RBFOX1: variants seen among roughly 807,000 people sequenced by gnomAD.
RBFOX1 encodes RNA binding protein fox-1 homolog 1.
Under a neutral mutation model 57.7 loss-of-function variants are expected in RBFOX1, and 8 were observed. The ratio of observed to expected loss-of-function variants is 0.14; its 90% CI spans 0.08 to 0.25. The LOEUF (loss-of-function observed/expected upper bound fraction) is 0.25. Among genes scored for constraint, RBFOX1 ranks in the 10% least tolerant of loss-of-function variants. The probability of loss-of-function intolerance (pLI) is 1.00; values close to 1 mark genes in which losing one functional copy is unlikely to be tolerated. For missense variants in RBFOX1, 611 were observed against 548.5 expected (o/e 1.11, Z -1.14); for synonymous variants, 326 against 222.4 (o/e 1.47, Z -4.15).
intron 5 of RBFOX1, among the ~76,000 whole-genome samples, chr16:7,537,915 A>G (rs1213502763): frequency 6.6e-6 from 1 of 152,254 alleles, no homozygotes; most frequent in Non-Finnish European, 1.5e-5. Context: ...AATGGAAATG[A>G]GAGAATCTGC....
At chr16:5,556,112 C>T (rs1399073733) in intron 2 of RBFOX1, among the ~76,000 whole-genome samples, 1 of 152,218 alleles carries the variant, frequency 6.6e-6, no homozygotes, top group Non-Finnish European at 1.5e-5. Context: ...ATGCCTAAGC[C>T]AGCGTGTTAG....
chr16:7,700,416 T>C (rs2080286477), intron 14 of RBFOX1, among the ~76,000 whole-genome samples: 1 of 152,120 alleles, frequency 6.6e-6, no homozygotes, highest in African/African-American at 2.4e-5. Context: ...GAAGTAACAG[T>C]CAGTGTTTGA....
chr16:6,623,077 T>A (rs1033432901), intron 2 of RBFOX1, among the ~76,000 whole-genome samples: 2 of 152,244 alleles, frequency 1.3e-5, no homozygotes, highest in African/African-American at 4.8e-5. Flanking sequence ...TATTGCAAAT[T>A]ACCTGCTGTG....
At chr16:6,419,038 C>G (rs1318989821) in intron 2 of RBFOX1, among the ~76,000 whole-genome samples, 1 of 152,172 alleles carries the variant, frequency 6.6e-6, no homozygotes, top group African/African-American at 2.4e-5. Context: ...GGCCGTTTCT[C>G]CCAGTCTTGA....
At chr16:6,004,039 G>C (rs559848227) in intron 4 of RBFOX1, among the ~76,000 whole-genome samples, 18 of 152,164 alleles carry the variant, frequency 1.2e-4, no homozygotes, top group Admixed American at 1.2e-3. Flanking sequence ...CATGTTGCAC[G>C]GTGATTAAGA....
intron 2 of RBFOX1, among the ~76,000 whole-genome samples, chr16:5,476,657 A>G (rs2069335614): frequency 6.6e-6 from 1 of 152,226 alleles, no homozygotes; most frequent in Non-Finnish European, 1.5e-5. Context: ...CTTGTTGAGG[A>G]CAAGATACAT....
chr16:6,106,851 C>G (rs1015357473), intron 1 of RBFOX1, among the ~76,000 whole-genome samples: 27 of 151,812 alleles, frequency 1.8e-4, no homozygotes, highest in African/African-American at 6.3e-4. Context: ...TTTCGGATTT[C>G]TAGTAGAGAC....
At chr16:7,578,256 G>C (rs368874646) in intron 5 of RBFOX1, among the ~76,000 whole-genome samples, 1 of 152,186 alleles carries the variant, frequency 6.6e-6, no homozygotes, top group East Asian at 1.9e-4. Flanking sequence ...TTATTTACCA[G>C]TTAAGAAAAT....
Position 5,536,337 on chromosome 16 carries a change from C to T in RBFOX1, c.259-62565C>T, listed in dbSNP as rs547686221. On this transcript the variant is annotated intron_variant, in intron 2 of 2. Transcript: ENST00000585867. Reference sequence around the variant, plus strand: ...ACAGCCTCCTCCTGCTGGGTTCAAGCGATTCTCCTGCCTCAGCCTGCTGAG... The same window carrying T: ...ACAGCCTCCTCCTGCTGGGTTCAAGTGATTCTCCTGCCTCAGCCTGCTGAG... Among the ~76,000 whole-genome samples the T allele has an allele frequency of 6.0e-4, 90 of 149,496 alleles. 1 individual carries two copies. Among genetic ancestry groups the T allele is most frequent in the African/African-American group, 2.1e-3 (86 of 40,252 alleles).
intron 4 of RBFOX1, among the ~76,000 whole-genome samples, chr16:7,399,278 T>G (rs539961342): frequency 1.3e-5 from 2 of 152,070 alleles, no homozygotes; most frequent in Non-Finnish European, 2.9e-5. Flanking sequence ...AGAAACCCCA[T>G]CTCTACTAAA....
chr16:7,550,726 G>A (rs2086117612), intron 5 of RBFOX1, among the ~76,000 whole-genome samples: 1 of 152,158 alleles, frequency 6.6e-6, no homozygotes, highest in South Asian at 2.1e-4. Flanking sequence ...CCTACAGTGA[G>A]TTTTCAGACA....
At chr16:7,404,892 G>T (rs1168359485) in intron 4 of RBFOX1, among the ~76,000 whole-genome samples, 1 of 152,124 alleles carries the variant, frequency 6.6e-6, no homozygotes, top group Admixed American at 6.5e-5. Context: ...TGGCGTTCCT[G>T]GGTCAATGGA....
At chr16:7,364,070 C>T (rs2097385656) in intron 4 of RBFOX1, among the ~76,000 whole-genome samples, 1 of 152,190 alleles carries the variant, frequency 6.6e-6, no homozygotes, top group African/African-American at 2.4e-5. Flanking sequence ...CTCCCAAGTC[C>T]TATTAAAGCT....
rs533847540 is a variant in RBFOX1, at chr16:5,395,430, G to T, written c.220-71786G>T. ...GGTTCTGTGAATAACGCAGTTGCGG[G>T]TGAGGTCATGGGCCTTTGGAGTTCT... On this transcript the variant is annotated intron_variant, in intron 1 of 2. Coordinates refer to the RBFOX1 transcript ENST00000585867. Among the ~76,000 whole-genome samples, 20 of 149,738 alleles carry T rather than the reference G, an allele frequency of 1.3e-4. No individual in the cohort carries two copies. The South Asian group carries it at 4.2e-3, about 31-fold the overall frequency.
chr16:7,303,969 G>A (rs935472916), intron 4 of RBFOX1, among the ~76,000 whole-genome samples: 1 of 151,964 alleles, frequency 6.6e-6, no homozygotes, highest in African/African-American at 2.4e-5. Context: ...CTTCACAGGG[G>A]TATGGGGTGG....
At chr16:6,011,269 A>C (rs1012757610) in intron 4 of RBFOX1, among the ~76,000 whole-genome samples, 47 of 152,188 alleles carry the variant, frequency 3.1e-4, no homozygotes, top group African/African-American at 1.1e-3. Context: ...CCTCTTGATA[A>C]GTCTCATTTT....
chr16:5,781,089 A>G (rs906842952), intron 3 of RBFOX1, among the ~76,000 whole-genome samples: 1 of 152,200 alleles, frequency 6.6e-6, no homozygotes, highest in African/African-American at 2.4e-5. Flanking sequence ...ATTCTCCTTG[A>G]TTCTAAAACT....
intron 5 of RBFOX1, among the ~76,000 whole-genome samples, chr16:7,564,018 G>A (rs1461112114): frequency 6.6e-6 from 1 of 152,138 alleles, no homozygotes; most frequent in Non-Finnish European, 1.5e-5. Flanking sequence ...TTAAGTGCAG[G>A]TGTTTGTAGG....
intron 1 of RBFOX1, among the ~76,000 whole-genome samples, chr16:5,289,829 C>T (rs1271718591): frequency 6.6e-6 from 1 of 152,202 alleles, no homozygotes; most frequent in African/African-American, 2.4e-5. Context: ...GGCACTTCTT[C>T]AAAAGCTTAA....
Sources: gnomAD v4.1 joint callset for allele counts (sites outside exome capture counted in the v4.1 genomes callset) on GRCh38, gnomAD v4.1.1 for gene constraint, MANE v1.5 for transcripts, NCBI Gene and HGNC (gene_info 2026-07-23, HGNC 2026-07-21) for gene names.